FRMD3: variants seen among roughly 807,000 people sequenced by gnomAD.
FRMD3 encodes FERM domain containing 3, also known as FERM domain-containing protein 3.
In FRMD3, 33 loss-of-function variants were observed where a neutral mutation model predicts 70.2. The ratio of observed to expected loss-of-function variants is 0.47; its 90% CI spans 0.36 to 0.63. The LOEUF is 0.63. Among genes scored for constraint, FRMD3 ranks in the 20% least tolerant of loss-of-function variants. The pLI, the probability that FRMD3 is intolerant of heterozygous loss-of-function variation, is 0.00. For synonymous variants in FRMD3, 279 were observed against 255.9 expected (o/e 1.09, Z -0.86); for missense variants, 632 against 711.4 (o/e 0.89, Z 1.27).
chr9:83,421,766 T>G (rs1564069573), intron 1 of FRMD3, among the ~76,000 whole-genome samples: 1 of 152,176 alleles, frequency 6.6e-6, no homozygotes, highest in Non-Finnish European at 1.5e-5. Context: ...CTTTTCTGAG[T>G]AGCATAATTA....
chr9:83,358,374 C>A (rs971516102), intron 3 of FRMD3, among the ~76,000 whole-genome samples: 1 of 152,126 alleles, frequency 6.6e-6, no homozygotes, highest in African/African-American at 2.4e-5. Flanking sequence ...GTGATGCCTC[C>A]AGATTTTTTC....
chr9:83,382,235 A>T (rs1186813061), intron 2 of FRMD3, among the ~76,000 whole-genome samples: 1 of 152,192 alleles, frequency 6.6e-6, no homozygotes, highest in African/African-American at 2.4e-5. Context: ...TCTAAAGTCA[A>T]AGATCAGCTA....
chr9:83,259,209 T>G (rs1458582630), intron 13 of FRMD3, among the ~76,000 whole-genome samples: 1 of 152,220 alleles, frequency 6.6e-6, no homozygotes, highest in Non-Finnish European at 1.5e-5. Context: ...ATATCAGATA[T>G]TATCCATACA....
At chr9:83,570,009 C>T in the FRMD3 span, among the ~76,000 whole-genome samples, 35,150 of 152,108 alleles carry the variant, frequency 0.23, 4,173 homozygotes, top group African/African-American at 0.26. Flanking sequence ...GAATACAGAG[C>T]TCCTGGCTTT....
At chr9:83,549,362 C>T in the FRMD3 span, among the ~76,000 whole-genome samples, 1 of 152,136 alleles carries the variant, frequency 6.6e-6, no homozygotes, top group East Asian at 1.9e-4. Context: ...TACTGATGGG[C>T]ATTTAGGTTG....
intron 13 of FRMD3, among the ~76,000 whole-genome samples, chr9:83,249,338 A>C (rs1832293096): frequency 6.6e-6 from 1 of 152,156 alleles, no homozygotes; most frequent in South Asian, 2.1e-4. Context: ...TCAATGCCTC[A>C]TTTTACTGAT....
At chr9:83,434,519 A>G (rs1450786927) in intron 1 of FRMD3, among the ~76,000 whole-genome samples, 1 of 152,198 alleles carries the variant, frequency 6.6e-6, no homozygotes, top group Non-Finnish European at 1.5e-5. Flanking sequence ...CAATAAACCT[A>G]AACTCACCCA....
At chr9:83,361,815 T>C (rs1217010612) in intron 3 of FRMD3, among the ~76,000 whole-genome samples, 1 of 152,038 alleles carries the variant, frequency 6.6e-6, no homozygotes, top group Non-Finnish European at 1.5e-5. Flanking sequence ...GGAGGCACCA[T>C]GTGAAGATGG....
chr9:83,378,405 G>T (rs1343368068), intron 2 of FRMD3, among the ~76,000 whole-genome samples: 1 of 146,570 alleles, frequency 6.8e-6, no homozygotes, highest in East Asian at 2.0e-4. Flanking sequence ...AGCCTCCAGA[G>T]TATCTGGGAC....
In FRMD3 at chr9:83,247,889, A is replaced by G. The variant is rs752024294; in HGVS notation, c.*29T>C. 3.1e-5 allele frequency: 50 copies of G among 1,608,416 alleles called. No individual in the cohort carries two copies. The Middle Eastern group carries it at 5.0e-4, about 16-fold the overall frequency. On this transcript the variant is annotated 3_prime_UTR_variant, in exon 14 of 14. Coordinates refer to ENST00000304195, the MANE Select transcript of FRMD3 (RefSeq NM_174938.6). ...AAAAAAGAAATCACTAGCATTGAAT[A>G]TAGCCCTTAGTCACGTGAGAGATTA...
intron 1 of FRMD3, among the ~76,000 whole-genome samples, chr9:83,509,787 GCACACA>G (rs34264142): frequency 1.3e-5 from 2 of 149,386 alleles, no homozygotes; most frequent in Non-Finnish European, 3.0e-5. Context: ...ACACGCGCGC[GCACACA>G]CACACACACA....
At chr9:83,377,619 T>G (rs1480173426) in intron 2 of FRMD3, among the ~76,000 whole-genome samples, 66 of 152,140 alleles carry the variant, frequency 4.3e-4, no homozygotes, top group Non-Finnish European at 1.6e-4. Context: ...TGTGGCACCT[T>G]CCTCCTCTCT....
chr9:83,390,110 A>G (rs1030405210), intron 1 of FRMD3, among the ~76,000 whole-genome samples: 2 of 152,340 alleles, frequency 1.3e-5, no homozygotes, highest in African/African-American at 4.8e-5. Flanking sequence ...TCCTCGGTAC[A>G]TATTCATTCA....
At chr9:83,546,906 A>G in the FRMD3 span, among the ~76,000 whole-genome samples, 3 of 147,752 alleles carry the variant, frequency 2.0e-5, no homozygotes, top group African/African-American at 7.4e-5. Context: ...AAAAAAAAAG[A>G]GTATAGATTG....
At position 83,507,736 on chromosome 9, in the gene FRMD3, A is replaced by ATATATATATCTATC. The variant is rs1554713917; in HGVS notation, c.147+30348_147+30349insGATAGATATATATA. 5.1e-4 allele frequency among the ~76,000 whole-genome samples: 45 copies of ATATATATATCTATC among 88,694 alleles called. 5 individuals carry two copies. The highest frequency in any genetic ancestry group is 8.8e-4 in the Non-Finnish European group (37 of 42,240). 58.2% of individuals were successfully genotyped at this position (88,694 alleles called of 152,430 possible). On this transcript the variant is annotated intron_variant, in intron 1 of 13. Transcript: ENST00000304195. ...TATATATATATATATATATATATAT[A>ATATATATATCTATC]TATCTTCTGGAATATTTCCTGAAGG...
intron 6 of FRMD3, 88 bp from the exon 7 acceptor site, chr9:83,313,835 A>C (rs1835458598): frequency 7.3e-6 from 7 of 956,532 alleles, no homozygotes. Context: ...ATGGTGTTCT[A>C]AGCTAAATAA....
At chr9:83,314,482 A>T (rs1294470644) in intron 6 of FRMD3, among the ~76,000 whole-genome samples, 1 of 152,252 alleles carries the variant, frequency 6.6e-6, no homozygotes, top group Non-Finnish European at 1.5e-5. Context: ...CAGAGAAAAC[A>T]ACAGGAATTC....
At chr9:83,449,383 A>G (rs1336135694) in intron 1 of FRMD3, among the ~76,000 whole-genome samples, 2 of 152,230 alleles carry the variant, frequency 1.3e-5, no homozygotes, top group East Asian at 1.9e-4. Flanking sequence ...ATCTTTTAGA[A>G]GAAGGACATC....
chr9:83,479,358 GGAGGAAGAA>G (rs1318537672), intron 1 of FRMD3, among the ~76,000 whole-genome samples: 6 of 138,970 alleles, frequency 4.3e-5, no homozygotes, highest in African/African-American at 1.6e-4. Context: ...AGGAGGAGGA[GGAGGAAGAA>G]GAAGAGGAGG....
Sources: gnomAD v4.1 joint callset for allele counts (sites outside exome capture counted in the v4.1 genomes callset) on GRCh38, gnomAD v4.1.1 for gene constraint, MANE v1.5 for transcripts, NCBI Gene and HGNC (gene_info 2026-07-23, HGNC 2026-07-21) for gene names.